PTPRM: variants seen among roughly 807,000 people sequenced by gnomAD.
PTPRM encodes protein tyrosine phosphatase receptor type M.
Under a neutral mutation model 186.7 loss-of-function variants are expected in PTPRM, and 47 were observed. That is an observed-to-expected ratio of 0.25 (90% CI 0.20 to 0.32). The LOEUF (loss-of-function observed/expected upper bound fraction) is 0.32. Among genes scored for constraint, PTPRM ranks in the 10% least tolerant of loss-of-function variants. The pLI is 1.00. For synonymous variants in PTPRM, 668 were observed against 674.9 expected (o/e 0.99, Z 0.16); for missense variants, 1,494 against 1,865.0 (o/e 0.80, Z 3.66).
At chr18:7,788,368 A>T (rs1161814131) in intron 2 of PTPRM, among the ~76,000 whole-genome samples, 1 of 152,186 alleles carries the variant, frequency 6.6e-6, no homozygotes, top group African/African-American at 2.4e-5. Flanking sequence ...GAAGGTTGAG[A>T]TTATGAAATA....
At chr18:7,653,404 T>C (rs568839514) in intron 1 of PTPRM, among the ~76,000 whole-genome samples, 92 of 152,188 alleles carry the variant, frequency 6.0e-4, no homozygotes, top group African/African-American at 1.7e-3. Context: ...GTTGTACAGA[T>C]TGTTTCATCA....
intron 14 of PTPRM, among the ~76,000 whole-genome samples, chr18:8,160,421 G>A (rs1437438739): frequency 1.3e-5 from 2 of 152,058 alleles, no homozygotes; most frequent in African/African-American, 4.8e-5. Context: ...AGCTAGGACT[G>A]CAGACATGCG....
chr18:8,355,012 T>C (rs959054065), intron 23 of PTPRM, among the ~76,000 whole-genome samples: 1 of 151,900 alleles, frequency 6.6e-6, no homozygotes, highest in Non-Finnish European at 1.5e-5. Flanking sequence ...AAACTAAAGG[T>C]ACAAGAAAAG....
intron 7 of PTPRM, among the ~76,000 whole-genome samples, chr18:8,067,691 A>G (rs985263527): frequency 6.6e-6 from 1 of 152,214 alleles, no homozygotes; most frequent in East Asian, 1.9e-4. Flanking sequence ...TGATGGAGAA[A>G]ACAGACACAA....
At chr18:7,994,681 A>T (rs1379099164) in intron 7 of PTPRM, among the ~76,000 whole-genome samples, 2 of 152,180 alleles carry the variant, frequency 1.3e-5, no homozygotes, top group Non-Finnish European at 2.9e-5. Flanking sequence ...GAAATGTTGG[A>T]ACCTGGAAAA....
Position 8,344,446 on chromosome 18 carries a change from G to GTATATATA in PTPRM, c.3054+927_3054+928insATATATAT, listed in dbSNP as rs1412437272. Among the ~76,000 whole-genome samples, 15 of 16,582 alleles carry GTATATATA rather than the reference G, an allele frequency of 9.0e-4. 1 individual carries two copies. The highest frequency in any genetic ancestry group is 1.3e-3 in the African/African-American group (15 of 11,760). The allele number at this position is 16,582 out of a possible 152,430, so 10.9% of individuals were successfully genotyped here. A position where few individuals can be genotyped will look rare whatever the true frequency, so the allele number is the denominator to read the frequency against. Reference sequence around the variant, plus strand: ...GATATATATATGTGTGTGTGTGTGTGTGTATATATATATATATATATATAT... The same window carrying GTATATATA: ...GATATATATATGTGTGTGTGTGTGTGTATATATATGTATATATATATATATATATATAT... On this transcript the variant is annotated intron_variant, in intron 23 of 32. Coordinates refer to ENST00000580170, the MANE Select transcript of PTPRM (RefSeq NM_001105244.2).
intron 2 of PTPRM, among the ~76,000 whole-genome samples, chr18:7,876,866 C>G (rs943228519): frequency 1.2e-4 from 19 of 152,156 alleles, no homozygotes; most frequent in African/African-American, 4.6e-4. Context: ...AGCACAAAGT[C>G]CAGAGCACAT....
intron 14 of PTPRM, among the ~76,000 whole-genome samples, chr18:8,195,905 C>CA (rs978567922): frequency 6.6e-6 from 1 of 151,982 alleles, no homozygotes; most frequent in East Asian, 1.9e-4. Flanking sequence ...AAAATAAAGA[C>CA]AAAAAAATCA....
chr18:8,210,925 C>T (rs145525891), intron 14 of PTPRM, among the ~76,000 whole-genome samples: 2 of 152,240 alleles, frequency 1.3e-5, no homozygotes, highest in Admixed American at 6.5e-5. Context: ...TCATCTTGAC[C>T]AAATGCTACT....
At chr18:7,944,895 TG>T (rs961412544) in intron 5 of PTPRM, among the ~76,000 whole-genome samples, 1 of 152,220 alleles carries the variant, frequency 6.6e-6, no homozygotes, top group African/African-American at 2.4e-5. Context: ...TTTGAATATT[TG>T]TCCCCTCCAA....
intron 1 of PTPRM, among the ~76,000 whole-genome samples, chr18:7,644,511 A>G (rs1046915536): frequency 3.3e-5 from 5 of 152,150 alleles, no homozygotes; most frequent in Non-Finnish European, 7.4e-5. Flanking sequence ...AACTGTCTTT[A>G]TGCCAAATCT....
intron 4 of PTPRM, among the ~76,000 whole-genome samples, chr18:7,914,251 C>A (rs551496515): frequency 6.6e-6 from 1 of 152,200 alleles, no homozygotes; most frequent in East Asian, 1.9e-4. Flanking sequence ...GGACTTTTCT[C>A]TAAAGGAATA....
At chr18:7,904,357 A>AATTCC in intron 3 of PTPRM, among the ~76,000 whole-genome samples, 1 of 152,292 alleles carries the variant, frequency 6.6e-6, no homozygotes, top group Middle Eastern at 3.4e-3. Context: ...GATGCTAAAC[A>AATTCC]ATTCCACCAA....
At chr18:7,779,327 T>A (rs150408135) in intron 2 of PTPRM, among the ~76,000 whole-genome samples, 146 of 152,320 alleles carry the variant, frequency 9.6e-4, no homozygotes, top group African/African-American at 3.4e-3. Flanking sequence ...CATGTCTTAG[T>A]TATATCTGTG....
chr18:8,159,032 C>T (rs766572739), intron 14 of PTPRM, among the ~76,000 whole-genome samples: 1 of 152,128 alleles, frequency 6.6e-6, no homozygotes, highest in Non-Finnish European at 1.5e-5. Context: ...ATTCATGACA[C>T]CTCTTCTTCT....
chr18:7,772,883 A>G (rs1005781021), intron 1 of PTPRM, among the ~76,000 whole-genome samples: 1 of 152,182 alleles, frequency 6.6e-6, no homozygotes, highest in Non-Finnish European at 1.5e-5. Context: ...TTTTGAATTA[A>G]TATGATTAAT....
intron 2 of PTPRM, among the ~76,000 whole-genome samples, chr18:7,829,764 T>A (rs1291440753): frequency 6.6e-6 from 1 of 152,186 alleles, no homozygotes; most frequent in Non-Finnish European, 1.5e-5. Context: ...ATGAGATTGC[T>A]CTTTCTTAGA....
chr18:8,335,121 C>A (rs2095431549), intron 22 of PTPRM, among the ~76,000 whole-genome samples: 1 of 152,218 alleles, frequency 6.6e-6, no homozygotes. Context: ...CTCCTAAAAT[C>A]TGAACTTGCA....
At chr18:8,114,352 A>T (rs2091876626) in intron 12 of PTPRM, among the ~76,000 whole-genome samples, 1 of 152,172 alleles carries the variant, frequency 6.6e-6, no homozygotes, top group Non-Finnish European at 1.5e-5. Context: ...GACAGAAGGA[A>T]ATGTTTCGCA....
Sources: gnomAD v4.1 joint callset for allele counts (sites outside exome capture counted in the v4.1 genomes callset) on GRCh38, gnomAD v4.1.1 for gene constraint, MANE v1.5 for transcripts, NCBI Gene and HGNC (gene_info 2026-07-23, HGNC 2026-07-21) for gene names.